PPP1R12B: variants seen among roughly 807,000 people sequenced by gnomAD.
PPP1R12B encodes myosin phosphatase target subunit 2.
In PPP1R12B, 76 loss-of-function variants were observed where a neutral mutation model predicts 126.1. That is an observed-to-expected ratio of 0.60 (90% CI 0.50 to 0.73). The LOEUF (loss-of-function observed/expected upper bound fraction) is 0.73. Ranked by LOEUF, PPP1R12B falls within the 30% of genes least tolerant of loss-of-function variation. PPP1R12B has a pLI of 0.00. For missense variants in PPP1R12B, 1,052 were observed against 1,205.1 expected, an observed-to-expected ratio of 0.87 and a Z score of 1.88; for synonymous variants, 356 against 434.7, an observed-to-expected ratio of 0.82 and a Z score of 2.25.
intron 22 of PPP1R12B, 72 bp downstream of exon 22, chr1:202,567,903 C>A: frequency 6.5e-7 from 1 of 1,543,548 alleles, no homozygotes; most frequent in Non-Finnish European, 8.9e-7. Flanking sequence ...CTTTGTTATT[C>A]ATGCCAATGG....
chr1:202,476,110 G>A (rs1313805806), intron 13 of PPP1R12B, among the ~76,000 whole-genome samples: 2 of 151,172 alleles, frequency 1.3e-5, no homozygotes, highest in Non-Finnish European at 3.0e-5. Context: ...AGGCTGAGGC[G>A]GGAGGATTGC....
At chr1:202,387,841 G>A (rs931938915) in intron 1 of PPP1R12B, among the ~76,000 whole-genome samples, 1 of 152,058 alleles carries the variant, frequency 6.6e-6, no homozygotes, top group Non-Finnish European at 1.5e-5. Context: ...TGGGAAGATA[G>A]GAGTGTTGTC....
At chr1:202,512,332 G>A (rs1681622845) in intron 18 of PPP1R12B, among the ~76,000 whole-genome samples, 1 of 152,150 alleles carries the variant, frequency 6.6e-6, no homozygotes, top group Admixed American at 6.5e-5. Flanking sequence ...AGTTTCTGAT[G>A]GTAGGTGTGG....
intron 23 of PPP1R12B, among the ~76,000 whole-genome samples, chr1:202,572,539 A>G (rs1272699412): frequency 6.6e-6 from 1 of 152,046 alleles, no homozygotes; most frequent in African/African-American, 2.4e-5. Flanking sequence ...CTCAAGAGAA[A>G]CTCCACCCAG....
chr1:202,497,712 C>T (rs967192729), intron 18 of PPP1R12B, among the ~76,000 whole-genome samples: 1 of 152,148 alleles, frequency 6.6e-6, no homozygotes, highest in African/African-American at 2.4e-5. Flanking sequence ...TGAGAATTGC[C>T]TGCCCTTGGT....
chr1:202,586,916 T>C lies in PPP1R12B; in HGVS notation c.*6356T>C, dbSNP rs1026183737. 2 of 152,278 alleles carry C rather than the reference T, an allele frequency of 1.3e-5. No individual in the cohort carries two copies. The highest frequency in any genetic ancestry group is 2.9e-5 in the Non-Finnish European group (2 of 68,062). 9.4% of individuals were successfully genotyped at this position (152,278 alleles called of 1,614,324 possible). A position where few individuals can be genotyped will look rare whatever the true frequency, so the allele number is the denominator to read the frequency against. ...TATGTGCGTTCACATGCACATTTGC[T>C]AGCCCAGAGCTTTTAAAATGAGGTC... On this transcript the variant is annotated 3_prime_UTR_variant, in exon 24 of 24. Transcript: ENST00000608999.
At chr1:202,457,890 G>GC (rs1303904571) in intron 13 of PPP1R12B, among the ~76,000 whole-genome samples, 2 of 152,024 alleles carry the variant, frequency 1.3e-5, no homozygotes, top group Non-Finnish European at 2.9e-5. Flanking sequence ...AGAAGGTGAG[G>GC]CCAGGCTAGC....
intron 22 of PPP1R12B, among the ~76,000 whole-genome samples, chr1:202,568,513 G>A (rs1191814662): frequency 6.6e-6 from 1 of 152,160 alleles, no homozygotes; most frequent in Non-Finnish European, 1.5e-5. Flanking sequence ...AAGCAGCTAA[G>A]TTTTACATTT....
intron 18 of PPP1R12B, among the ~76,000 whole-genome samples, chr1:202,541,192 G>A (rs182628699): frequency 2.1e-3 from 312 of 151,840 alleles, no homozygotes; most frequent in Non-Finnish European, 3.6e-3. Flanking sequence ...GAGCTATGGG[G>A]AGAAAATTTG....
At chr1:202,577,406 T>C (rs1689186374) in intron 23 of PPP1R12B, among the ~76,000 whole-genome samples, 2 of 152,238 alleles carry the variant, frequency 1.3e-5, no homozygotes, top group African/African-American at 2.4e-5. Context: ...GCTTTTGTGC[T>C]ACAACAGCAG....
chr1:202,447,123 T>C (rs1456134516), intron 12 of PPP1R12B, among the ~76,000 whole-genome samples: 1 of 152,222 alleles, frequency 6.6e-6, no homozygotes, highest in Non-Finnish European at 1.5e-5. Flanking sequence ...ATTGCTGCCC[T>C]CAATGATATA....
At chr1:202,544,646 G>A (rs1332964851) in intron 18 of PPP1R12B, among the ~76,000 whole-genome samples, 7 of 152,120 alleles carry the variant, frequency 4.6e-5, no homozygotes, top group Non-Finnish European at 8.8e-5. Flanking sequence ...TATTTATAAA[G>A]CAAGATCAGT....
intron 13 of PPP1R12B, among the ~76,000 whole-genome samples, chr1:202,484,027 G>T (rs7534086): frequency 0.41 from 62,364 of 151,956 alleles, 14,755 homozygotes; most frequent in East Asian, 0.7. Flanking sequence ...TCTGTTTTAG[G>T]CAGTATATAG....
intron 8 of PPP1R12B, among the ~76,000 whole-genome samples, chr1:202,432,739 A>G (rs2148665131): frequency 6.6e-6 from 1 of 152,340 alleles, no homozygotes; most frequent in Non-Finnish European, 1.5e-5. Context: ...CTGCCATATT[A>G]TCCCTCCAAA....
chr1:202,385,690 G>T (rs1662999416), intron 1 of PPP1R12B, among the ~76,000 whole-genome samples: 1 of 152,154 alleles, frequency 6.6e-6, no homozygotes, highest in Non-Finnish European at 1.5e-5. Flanking sequence ...GAAGTGAGTT[G>T]TGCAAGGGCT....
At chr1:202,406,316 G>A (rs1666596700) in intron 1 of PPP1R12B, among the ~76,000 whole-genome samples, 1 of 152,216 alleles carries the variant, frequency 6.6e-6, no homozygotes, top group Non-Finnish European at 1.5e-5. Flanking sequence ...AAACAGAGTG[G>A]TAACCAAAGC....
At position 202,442,496 on chromosome 1, in the gene PPP1R12B, T is replaced by C. The variant is rs1233507759; in HGVS notation, c.1591T>C (p.Trp531Arg). ...GAGTGGCTCCTATACCCGGCAGCTATGGAGGGATGAAGCAAAAGGAAATGA... is the reference window on the plus strand; with the variant it reads ...GAGTGGCTCCTATACCCGGCAGCTACGGAGGGATGAAGCAAAAGGAAATGA... ...VRSGSYTRQL[W>R]RDEAKGNEIP... The change falls in exon 12 of 24, where the codon TGG becomes CGG. Residue 531 changes from tryptophan to arginine, a missense_variant. Physicochemically the swap from Trp to Arg is moderately radical, Grantham distance 101. Transcript: ENST00000608999. The C allele has an allele frequency of 5.0e-6, 8 of 1,613,648 alleles. No homozygotes were observed. The highest frequency in any genetic ancestry group is 3.4e-6 in the Non-Finnish European group (4 of 1,179,840).
At chr1:202,559,563 A>G (rs1280332738) in intron 19 of PPP1R12B, among the ~76,000 whole-genome samples, 1 of 152,206 alleles carries the variant, frequency 6.6e-6, no homozygotes, top group African/African-American at 2.4e-5. Context: ...AAGAAACTAA[A>G]TAAAAAATAA....
chr1:202,416,551 A>C (rs1239293800), intron 1 of PPP1R12B, among the ~76,000 whole-genome samples: 1 of 144,620 alleles, frequency 6.9e-6, no homozygotes, highest in African/African-American at 2.5e-5. Flanking sequence ...AAAAAAGATT[A>C]AGTATGATTA....
Sources: allele counts gnomAD v4.1 joint callset (sites outside exome capture counted in the v4.1 genomes callset), GRCh38; gene constraint gnomAD v4.1.1; transcripts MANE v1.5; gene names NCBI Gene and HGNC (gene_info 2026-07-23, HGNC 2026-07-21).